The following PTPN5 variants were observed in gnomAD, a reference collection of about 807,000 sequenced individuals.
PTPN5 encodes protein tyrosine phosphatase non-receptor type 5.
In PTPN5, 29 loss-of-function variants were observed where a neutral mutation model predicts 73.9. That is an observed-to-expected ratio of 0.39 (90% CI 0.29 to 0.54). The LOEUF (loss-of-function observed/expected upper bound fraction) is 0.54. Ranked by LOEUF, PTPN5 falls within the 20% of genes least tolerant of loss-of-function variation. The pLI is 0.65. For missense variants in PTPN5, 652 were observed against 751.4 expected, an observed-to-expected ratio of 0.87 and a Z score of 1.55; for synonymous variants, 267 against 304.7, an observed-to-expected ratio of 0.88 and a Z score of 1.29.
chr11:18,762,388 C>A (rs1850438231), intron 3 of PTPN5, among the ~76,000 whole-genome samples: 3 of 152,082 alleles, frequency 2.0e-5, no homozygotes, highest in African/African-American at 7.2e-5. Context: ...GCCTAACACT[C>A]CAACTCTCTT....
chr11:18,742,557 G>A lies in PTPN5; in HGVS notation c.484-54C>T. ...TCGGACCACGCTGGCTGCCCCCCGTGTTCCTGGAGTGCCCATGGGATTGAC... is the reference window on the plus strand; with the variant it reads ...TCGGACCACGCTGGCTGCCCCCCGTATTCCTGGAGTGCCCATGGGATTGAC... On this transcript the variant is annotated intron_variant, in intron 6 of 14. Coordinates refer to ENST00000358540, the MANE Select transcript of PTPN5 (RefSeq NM_006906.2). This position sits in a 1 kb window ranked among gnomAD's most constrained non-coding sequence, Gnocchi z 4.1. The A allele has an allele frequency of 6.3e-7, 1 of 1,596,920 alleles. No individual in the cohort carries two copies. The highest frequency in any genetic ancestry group is 8.5e-7 in the Non-Finnish European group (1 of 1,174,762).
At chr11:18,789,051 G>A (rs1182928278) in intron 1 of PTPN5, among the ~76,000 whole-genome samples, 7 of 152,194 alleles carry the variant, frequency 4.6e-5, no homozygotes, top group Admixed American at 2.6e-4. Flanking sequence ...TGAAGTCCAG[G>A]AATAGGTCAG....
chr11:18,740,474 GA>G, intron 8 of PTPN5, 128 bp downstream of exon 8: 1 of 799,846 alleles, frequency 1.3e-6, no homozygotes, highest in Non-Finnish European at 1.8e-6. Context: ...GATGGTGGGA[GA>G]GCTGATAATA....
intron 3 of PTPN5, among the ~76,000 whole-genome samples, chr11:18,763,485 C>T (rs1170481099): frequency 6.6e-6 from 1 of 152,152 alleles, no homozygotes; most frequent in Non-Finnish European, 1.5e-5. Context: ...CACTGATTTC[C>T]TAGGATATTC....
chr11:18,768,098 C>A (rs1051256501), intron 2 of PTPN5, among the ~76,000 whole-genome samples: 3 of 152,154 alleles, frequency 2.0e-5, no homozygotes, highest in African/African-American at 7.2e-5. Flanking sequence ...GTGCCTGGTT[C>A]GTAGTAGGAT....
At chr11:18,782,600 C>CA (rs1554929511) in intron 1 of PTPN5, among the ~76,000 whole-genome samples, 1 of 152,176 alleles carries the variant, frequency 6.6e-6, no homozygotes, top group Non-Finnish European at 1.5e-5. Flanking sequence ...TAGGAACAGA[C>CA]AAAATCCATC....
chr11:18,776,483 T>C (rs1482075327), intron 1 of PTPN5, among the ~76,000 whole-genome samples: 1 of 152,130 alleles, frequency 6.6e-6, no homozygotes, highest in Non-Finnish European at 1.5e-5. Flanking sequence ...TCCCTGGACA[T>C]AAACCTGTGG....
At chr11:18,790,679 C>CT (rs1851876727) in intron 1 of PTPN5, among the ~76,000 whole-genome samples, 1 of 152,136 alleles carries the variant, frequency 6.6e-6, no homozygotes, top group South Asian at 2.1e-4. Context: ...GAATTACACA[C>CT]TTTCGTGGTA....
intron 3 of PTPN5, among the ~76,000 whole-genome samples, chr11:18,751,221 T>G (rs1190975892): frequency 1.3e-5 from 2 of 152,118 alleles, no homozygotes; most frequent in African/African-American, 4.8e-5. Context: ...CTTTTGTGGG[T>G]GTATAGCAGG....
chr11:18,757,475 C>G (rs1423987201), intron 3 of PTPN5, among the ~76,000 whole-genome samples: 2 of 152,226 alleles, frequency 1.3e-5, no homozygotes, highest in Non-Finnish European at 2.9e-5. Context: ...GGGACATTCT[C>G]CCTGTAAGGC....
At chr11:18,784,765 C>T (rs1851593275) in intron 1 of PTPN5, among the ~76,000 whole-genome samples, 1 of 152,088 alleles carries the variant, frequency 6.6e-6, no homozygotes, top group Non-Finnish European at 1.5e-5. Flanking sequence ...CTCTGCCACC[C>T]CTAGGGCTCT....
At chr11:18,750,267 A>G (rs1391472026) in intron 3 of PTPN5, among the ~76,000 whole-genome samples, 1 of 152,204 alleles carries the variant, frequency 6.6e-6, no homozygotes, top group African/African-American at 2.4e-5. Flanking sequence ...TTTACACATG[A>G]GGAAACTGAG....
chr11:18,734,077 G>A lies in PTPN5; in HGVS notation c.1001-442C>T, dbSNP rs562648450. ...TTTCTAAGCCTTAGTTTTCCTATCT[G>A]TCAAATGGAGGCAAAGATGCCTACT... On this transcript the variant is annotated intron_variant, in intron 9 of 14. Coordinates refer to ENST00000358540, the MANE Select transcript of PTPN5 (RefSeq NM_006906.2). Among the ~76,000 whole-genome samples, 4 of 152,304 alleles carry A rather than the reference G, an allele frequency of 2.6e-5. No individual in the cohort carries two copies. In the East Asian group the frequency reaches 7.7e-4, roughly 29 times the overall value.
At position 18,729,741 on chromosome 11, in the gene PTPN5, G is replaced by A; in HGVS notation, c.1407C>T (p.Pro469=). The change falls in exon 13 of 15, where the codon CCC becomes CCT. Residue 469 remains proline, a synonymous_variant. Transcript: ENST00000358540. The surrounding 1 kb of genome is among the most constrained non-coding windows in gnomAD (Gnocchi z 5.2). ...CCTCCCGCACCAGGTGCAGGAGTGG[G>A]GGGGCCCGGTCTGGGGTCTTCTGGT... ...WPDQKTPDRA[P]PLLHLVREVE... 1.2e-6 allele frequency: 2 copies of A among 1,606,482 alleles called. No homozygotes were observed. The highest frequency in any genetic ancestry group is 1.7e-6 in the Non-Finnish European group (2 of 1,174,672).
At chr11:18,735,468 T>A (rs531285790) in intron 9 of PTPN5, among the ~76,000 whole-genome samples, 51 of 151,610 alleles carry the variant, frequency 3.4e-4, no homozygotes, top group African/African-American at 1.2e-3. Context: ...GAGTGGTGAG[T>A]GGTGAGGCTG....
chr11:18,790,434 C>T (rs927372693), intron 1 of PTPN5, among the ~76,000 whole-genome samples: 1 of 152,164 alleles, frequency 6.6e-6, no homozygotes, highest in Admixed American at 6.5e-5. Flanking sequence ...ACTGAGGACA[C>T]TCAGGCTCAG....
At chr11:18,783,545 C>A (rs1478777714) in intron 1 of PTPN5, among the ~76,000 whole-genome samples, 1 of 152,194 alleles carries the variant, frequency 6.6e-6, no homozygotes, top group East Asian at 1.9e-4. Flanking sequence ...TCTTGCTGTG[C>A]GTACCTGAAA....
chr11:18,762,507 T>C (rs1380922408), intron 3 of PTPN5, among the ~76,000 whole-genome samples: 1 of 152,016 alleles, frequency 6.6e-6, no homozygotes, highest in East Asian at 1.9e-4. Flanking sequence ...GTAGAGTAGA[T>C]TTCCACAAAT....
At chr11:18,756,419 C>T (rs1850139351) in intron 3 of PTPN5, among the ~76,000 whole-genome samples, 1 of 151,348 alleles carries the variant, frequency 6.6e-6, no homozygotes, top group Non-Finnish European at 1.5e-5. Flanking sequence ...GCCTTAGCCT[C>T]CTGAGTAGCT....
Sources: allele counts gnomAD v4.1 joint callset (sites outside exome capture counted in the v4.1 genomes callset), GRCh38; gene constraint gnomAD v4.1.1; non-coding constraint Gnocchi (gnomAD v3.1); transcripts MANE v1.5; gene names NCBI Gene and HGNC (gene_info 2026-07-23, HGNC 2026-07-21).